The following ANP32D variants were observed in gnomAD, a reference collection of about 807,000 sequenced individuals.
The protein encoded by ANP32D is acidic leucine-rich nuclear phosphoprotein 32 family member D.
In ANP32D, 6 loss-of-function variants were observed where a neutral mutation model predicts 7.8. The ratio of observed to expected loss-of-function variants is 0.77; its 90% CI spans 0.42 to 1.52. The LOEUF (loss-of-function observed/expected upper bound fraction) is 1.52. Ranked by LOEUF, ANP32D falls within the 40% of genes most tolerant of loss-of-function variation. The probability of loss-of-function intolerance (pLI) is 0.01; values close to 1 mark genes in which losing one functional copy is unlikely to be tolerated. For synonymous variants in ANP32D, 69 were observed against 59.7 expected (o/e 1.16, Z -0.72); for missense variants, 163 against 145.9 (o/e 1.12, Z -0.60).
Position 48,472,937 on chromosome 12 carries a change from A to G in ANP32D, c.273A>G (p.Ile91Met). The G allele has an allele frequency of 6.2e-7, 1 of 1,614,208 alleles. No homozygotes were observed. The highest frequency in any genetic ancestry group is 8.5e-7 in the Non-Finnish European group (1 of 1,180,040). ...TGGCAGAAAAGTGTCCAAACCTCATACATCTAAATTTAAGTGGCAACAAAA... is the reference window on the plus strand; with the variant it reads ...TGGCAGAAAAGTGTCCAAACCTCATGCATCTAAATTTAAGTGGCAACAAAA... ...EVLAEKCPNL[I>M]HLNLSGNKIK... Residue 91 changes from isoleucine (I) to methionine (M), a missense_variant, in exon 1 of 1, where the codon ATA becomes ATG. By Grantham distance (10) the Ile-to-Met change is conservative. Coordinates refer to ENST00000266594, the MANE Select transcript of ANP32D (RefSeq NM_012404.3).
Position 48,473,433 on chromosome 12 carries a change from A to T in ANP32D, c.*373A>T. On this transcript the variant is annotated 3_prime_UTR_variant, in exon 1 of 1. Transcript: ENST00000266594. ...TGCCTAAGTGGAATAATCTATTTTG[A>T]AAAATTCCTTTTGTGATTTTACTGT... is the stretch of plus-strand genomic sequence containing the variant. The T allele has an allele frequency of 1.5e-6, 1 of 653,924 alleles. No homozygotes were observed. The highest frequency in any genetic ancestry group is 2.5e-5 in the Admixed American group (1 of 40,786). The allele number at this position is 653,924 out of a possible 1,614,324, so 40.5% of individuals were successfully genotyped here.
rs1396715900 is a variant in ANP32D, at chr12:48,473,574, G to C, written c.*514G>C. 6.6e-6 allele frequency: 2 copies of C among 302,116 alleles called. No homozygotes were observed. Among genetic ancestry groups the C allele is most frequent in the Non-Finnish European group, 1.3e-5 (2 of 154,220 alleles). 18.7% of individuals were successfully genotyped at this position (302,116 alleles called of 1,614,324 possible). On this transcript the variant is annotated 3_prime_UTR_variant, in exon 1 of 1. Transcript: ENST00000266594. Reference sequence around the variant, plus strand: ...AAGTGTACTGGGGGTTGTGAGGGAAGGGAGGGGAGGAGGGGGTGGAATAAA... The same window carrying C: ...AAGTGTACTGGGGGTTGTGAGGGAACGGAGGGGAGGAGGGGGTGGAATAAA...
rs1221919742 is a variant in ANP32D at position 48,473,524 on chromosome 12, C to A, written c.*464C>A. 2.7e-6 allele frequency: 1 copy of A among 366,992 alleles called. No homozygotes were observed. The highest frequency in any genetic ancestry group is 3.7e-5 in the Admixed American group (1 of 27,006). 22.7% of individuals were successfully genotyped at this position (366,992 alleles called of 1,614,324 possible). A position where few individuals can be genotyped will look rare whatever the true frequency, so the allele number is the denominator to read the frequency against. ...GAAACTTATTTTTTTCTGATTGTAA[C>A]GTTGCTGTGGGAGCAAGAGAGGAAA... On this transcript the variant is annotated 3_prime_UTR_variant, in exon 1 of 1. Transcript: ENST00000266594.
Position 48,472,594 on chromosome 12 carries a change from G to A in ANP32D, c.-71G>A. On this transcript the variant is annotated 5_prime_UTR_variant, in exon 1 of 1. Coordinates refer to ENST00000266594, the MANE Select transcript of ANP32D (RefSeq NM_012404.3). ...CAGAGCTGGTTGAGCTTTCAAATGT[G>A]CGGTTGTGGGTTCGGGGTTTATTGG... The A allele has an allele frequency of 1.3e-6, 2 of 1,574,648 alleles. No homozygotes were observed. Among genetic ancestry groups the A allele is most frequent in the South Asian group, 1.2e-5 (1 of 86,262 alleles).
chr12:48,473,366 T>G lies in ANP32D; in HGVS notation c.*306T>G. The G allele has an allele frequency of 9.1e-7, 1 of 1,093,366 alleles. No individual in the cohort carries two copies. The highest frequency in any genetic ancestry group is 1.4e-6 in the Non-Finnish European group (1 of 737,136). 67.7% of individuals were successfully genotyped at this position (1,093,366 alleles called of 1,614,324 possible). On this transcript the variant is annotated 3_prime_UTR_variant, in exon 1 of 1. Coordinates refer to ENST00000266594, the MANE Select transcript of ANP32D (RefSeq NM_012404.3). ...AAGAGCTTGGTGAAGAAGAAAGGGG[T>G]CAGAAGCGAAAATAAGAAACTGAAG... is the stretch of plus-strand genomic sequence containing the variant.
chr12:48,473,361 A>G lies in ANP32D; in HGVS notation c.*301A>G, dbSNP rs1954098875. The G allele has an allele frequency of 1.8e-6, 2 of 1,105,994 alleles. No individual in the cohort carries two copies. Among genetic ancestry groups the G allele is most frequent in the South Asian group, 2.6e-5 (2 of 75,852 alleles). The allele number at this position is 1,105,994 out of a possible 1,614,324, so 68.5% of individuals were successfully genotyped here. A position where few individuals can be genotyped will look rare whatever the true frequency, so the allele number is the denominator to read the frequency against. ...TGAAGAAGAGCTTGGTGAAGAAGAA[A>G]GGGGTCAGAAGCGAAAATAAGAAAC... On this transcript the variant is annotated 3_prime_UTR_variant, in exon 1 of 1. Coordinates refer to ENST00000266594, the MANE Select transcript of ANP32D (RefSeq NM_012404.3).
Position 48,472,869 on chromosome 12 carries a change from C to A in ANP32D, c.205C>A (p.Leu69Ile), listed in dbSNP as rs1954090967. The change falls in exon 1 of 1, where the codon CTT becomes ATT. Residue 69 changes from leucine to isoleucine, a missense_variant. Leu to Ile is a conservative substitution (Grantham distance 5). Transcript: ENST00000266594. The part of the protein sequence containing the change: ...NLPKLNKLKK[L>I]ELSSNRASVG... ...GCCAAAGTTAAACAAACTTAAGAAG[C>A]TTGAACTAAGCAGTAACAGAGCCTC... 1 of 1,614,066 alleles carries A rather than the reference C, an allele frequency of 6.2e-7. No homozygotes were observed. Among genetic ancestry groups the A allele is most frequent in the Non-Finnish European group, 8.5e-7 (1 of 1,180,026 alleles).
In ANP32D at chr12:48,473,283, G is replaced by C; in HGVS notation, c.*223G>C. 2 of 1,093,396 alleles carry C rather than the reference G, an allele frequency of 1.8e-6. No homozygotes were observed. The highest frequency in any genetic ancestry group is 2.6e-5 in the South Asian group (2 of 75,900). The allele number at this position is 1,093,396 out of a possible 1,614,324, so 67.7% of individuals were successfully genotyped here. ...TGAAGAGGAGGACGTGAGTGGAGAC[G>C]AGGAGGAGAAGGATGAAGGTTATAA... On this transcript the variant is annotated 3_prime_UTR_variant, in exon 1 of 1. Coordinates refer to ENST00000266594, the MANE Select transcript of ANP32D (RefSeq NM_012404.3).
chr12:48,473,043 A>T lies in ANP32D; in HGVS notation c.379A>T (p.Asn127Tyr). The T allele has an allele frequency of 6.2e-7, 1 of 1,614,158 alleles. No homozygotes were observed. The highest frequency in any genetic ancestry group is 8.5e-7 in the Non-Finnish European group (1 of 1,180,024). ...AGACCTTTTCACTTGCGAGGTAACC[A>T]ACCTGAACAACTACTGAGAAAAGAT... ...SLDLFTCEVT[N>Y]LNNY is the part of the protein sequence containing the mutation. The change falls in exon 1 of 1, where the codon AAC (asparagine) becomes TAC (tyrosine). Residue 127 changes from asparagine (N) to tyrosine (Y), a missense_variant. Transcript: ENST00000266594.
rs1592192858 is a variant in ANP32D at position 48,472,727 on chromosome 12, A to T, written c.63A>T (p.Glu21Asp). 1 of 1,614,110 alleles carries T rather than the reference A, an allele frequency of 6.2e-7. No homozygotes were observed. The highest frequency in any genetic ancestry group is 1.3e-5 in the African/African-American group (1 of 74,932). Residue 21 changes from glutamate to aspartate, a missense_variant, in exon 1 of 1, where the codon GAA becomes GAT. Transcript: ENST00000266594. ...ACAGGACGCCCTCCGATGTGAAAGAACTTTTCCTGGACAACAGTCAGTCAA... is the reference window on the plus strand; with the variant it reads ...ACAGGACGCCCTCCGATGTGAAAGATCTTTTCCTGGACAACAGTCAGTCAA... Reference protein sequence around the residue: ...LRNRTPSDVKELFLDNSQSNE... With the variant: ...LRNRTPSDVKDLFLDNSQSNE...
chr12:48,473,149 G>A lies in ANP32D; in HGVS notation c.*89G>A. On this transcript the variant is annotated 3_prime_UTR_variant, in exon 1 of 1. Coordinates refer to ENST00000266594, the MANE Select transcript of ANP32D (RefSeq NM_012404.3). Reference sequence around the variant, plus strand: ...GAGGCCCCTAACTCGGATGGTGAGGGCTTTGTGGAGTGCCTGGATGACAAG... The same window carrying A: ...GAGGCCCCTAACTCGGATGGTGAGGACTTTGTGGAGTGCCTGGATGACAAG... The A allele has an allele frequency of 6.3e-7, 1 of 1,576,388 alleles. No homozygotes were observed. Among genetic ancestry groups the A allele is most frequent in the Non-Finnish European group, 8.7e-7 (1 of 1,146,820 alleles).
chr12:48,473,140 A>G lies in ANP32D; in HGVS notation c.*80A>G, dbSNP rs1954095241. On this transcript the variant is annotated 3_prime_UTR_variant, in exon 1 of 1. Coordinates refer to ENST00000266594, the MANE Select transcript of ANP32D (RefSeq NM_012404.3). ...GATGACAAGGAGGCCCCTAACTCGG[A>G]TGGTGAGGGCTTTGTGGAGTGCCTG... 6.3e-7 allele frequency: 1 copy of G among 1,595,570 alleles called. No homozygotes were observed. The highest frequency in any genetic ancestry group is 1.7e-5 in the Admixed American group (1 of 59,822).
Position 48,472,716 on chromosome 12 carries a change from G to A in ANP32D, c.52G>A (p.Asp18Asn), listed in dbSNP as rs777687157. 43 of 1,614,080 alleles carry A rather than the reference G, an allele frequency of 2.7e-5. No homozygotes were observed. Among genetic ancestry groups the A allele is most frequent in the South Asian group, 1.4e-4 (13 of 91,088 alleles). The change falls in exon 1 of 1, where the codon GAT (aspartate) becomes AAT (asparagine). Residue 18 changes from aspartate (D) to asparagine (N), a missense_variant. Coordinates refer to ENST00000266594, the MANE Select transcript of ANP32D (RefSeq NM_012404.3). ...AGAGCTGCGGAACAGGACGCCCTCC[G>A]ATGTGAAAGAACTTTTCCTGGACAA... ...HLELRNRTPS[D>N]VKELFLDNSQ...
Position 48,472,931 on chromosome 12 carries a change from C to T in ANP32D, c.267C>T (p.Asn89=), listed in dbSNP as rs1954091904. The change falls in exon 1 of 1, where the codon AAC becomes AAT. Residue 89 remains asparagine, a synonymous_variant. Transcript: ENST00000266594. ...GLEVLAEKCP[N]LIHLNLSGNK... ...AAGTATTGGCAGAAAAGTGTCCAAA[C>T]CTCATACATCTAAATTTAAGTGGCA... is the stretch of plus-strand genomic sequence containing the variant. 3 of 1,614,062 alleles carry T rather than the reference C, an allele frequency of 1.9e-6. No homozygotes were observed. The highest frequency in any genetic ancestry group is 2.5e-6 in the Non-Finnish European group (3 of 1,180,044).
chr12:48,472,822 GCCTCA>G, the ANP32D span: 1 of 1,614,122 alleles, frequency 6.2e-7, no homozygotes, highest in East Asian at 2.2e-5. Context: ...ATCAACATAG[GCCTCA>G]CCTCAATTGC....
chr12:48,473,136 T>A lies in ANP32D; in HGVS notation c.*76T>A. 6.2e-7 allele frequency: 1 copy of A among 1,602,486 alleles called. No individual in the cohort carries two copies. ...CCCGGATGACAAGGAGGCCCCTAAC[T>A]CGGATGGTGAGGGCTTTGTGGAGTG... is the stretch of plus-strand genomic sequence containing the variant. On this transcript the variant is annotated 3_prime_UTR_variant, in exon 1 of 1. Transcript: ENST00000266594.
In ANP32D at chr12:48,473,210, T is replaced by C; in HGVS notation, c.*150T>C. ...AGGATGAGGAGGAGTATGATGAAGA[T>C]GCTCAGGTAATGGAAGATGAGGAGG... On this transcript the variant is annotated 3_prime_UTR_variant, in exon 1 of 1. Transcript: ENST00000266594. 7.8e-7 allele frequency: 1 copy of C among 1,276,120 alleles called. No individual in the cohort carries two copies. The highest frequency in any genetic ancestry group is 2.4e-5 in the East Asian group (1 of 42,366). 79.0% of individuals were successfully genotyped at this position (1,276,120 alleles called of 1,614,324 possible). A position where few individuals can be genotyped will look rare whatever the true frequency, so the allele number is the denominator to read the frequency against.
Position 48,472,828 on chromosome 12 carries a change from C to A in ANP32D, c.164C>A (p.Thr55Asn). ...TTAAATACAATCAACATAGGCCTCA[C>A]CTCAATTGCAAACTTGCCAAAGTTA... ...ELLNTINIGL[T>N]SIANLPKLNK... is the part of the protein sequence containing the mutation. The change falls in exon 1 of 1, where the codon ACC becomes AAC. Residue 55 changes from threonine (T) to asparagine (N), a missense_variant. Transcript: ENST00000266594. The A allele has an allele frequency of 6.2e-7, 1 of 1,614,116 alleles. No homozygotes were observed. The highest frequency in any genetic ancestry group is 8.5e-7 in the Non-Finnish European group (1 of 1,180,024).
At position 48,472,739 on chromosome 12, in the gene ANP32D, C is replaced by T. The variant is rs1269434264; in HGVS notation, c.75C>T (p.Asp25=). 2 of 1,614,002 alleles carry T rather than the reference C, an allele frequency of 1.2e-6. No homozygotes were observed. Among genetic ancestry groups the T allele is most frequent in the African/African-American group, 1.3e-5 (1 of 74,896 alleles). ...TPSDVKELFL[D]NSQSNEGKLE... is the part of the protein sequence containing the mutation. ...CCGATGTGAAAGAACTTTTCCTGGA[C>T]AACAGTCAGTCAAATGAAGGCAAAT... The change falls in exon 1 of 1, where the codon GAC becomes GAT. Residue 25 remains aspartate (D), a synonymous_variant. Transcript: ENST00000266594.
Sources: allele counts gnomAD v4.1 joint callset, GRCh38; gene constraint gnomAD v4.1.1; transcripts MANE v1.5; gene names NCBI Gene and HGNC (gene_info 2026-07-23, HGNC 2026-07-21).